Variants in LRRC37A observed in about 807,000 individuals in gnomAD.
The protein encoded by LRRC37A is leucine-rich repeat-containing protein 37A.
LRRC37A carries 3 observed loss-of-function variants against 35.4 expected under a neutral mutation model. That is an observed-to-expected ratio of 0.08 (90% confidence interval 0.04 to 0.22). LRRC37A has a LOEUF of 0.22. LRRC37A is among the 10% of genes least tolerant of loss of function. LRRC37A has a pLI of 1.00. For missense variants in LRRC37A, 67 were observed against 565.3 expected, an observed-to-expected ratio of 0.12 and a Z score of 8.94; for synonymous variants, 23 against 215.0, an observed-to-expected ratio of 0.11 and a Z score of 7.81.
At chr17:46,254,727 G>A in the LRRC37A span, among the ~76,000 whole-genome samples, 57,651 of 150,768 alleles carry the variant, frequency 0.38, 11,261 homozygotes, top group South Asian at 0.63. Context: ...TTTTAGTAGA[G>A]GCGGGGTTTC....
the LRRC37A span, among the ~76,000 whole-genome samples, chr17:46,276,049 C>T: frequency 1.3e-5 from 2 of 152,182 alleles, no homozygotes; most frequent in Non-Finnish European, 2.9e-5. Flanking sequence ...TGCCACCACA[C>T]CCGGCTAATT....
chr17:46,271,011 G>A, the LRRC37A span, among the ~76,000 whole-genome samples: 1 of 152,126 alleles, frequency 6.6e-6, no homozygotes, highest in African/African-American at 2.4e-5. Context: ...CTCACTCCAA[G>A]TATCTAGAAA....
At chr17:46,264,538 T>A in the LRRC37A span, among the ~76,000 whole-genome samples, 1 of 152,234 alleles carries the variant, frequency 6.6e-6, no homozygotes, top group Non-Finnish European at 1.5e-5. Flanking sequence ...TGTGGCTTGT[T>A]TATAGAAAGA....
the LRRC37A span, chr17:46,267,158 C>T: frequency 9.0e-6 from 5 of 555,922 alleles, no homozygotes; most frequent in Non-Finnish European, 9.3e-6. Context: ...AATCGGTGAG[C>T]CCGGCCGCCG....
chr17:46,257,720 G>T, the LRRC37A span, among the ~76,000 whole-genome samples: 79 of 151,238 alleles, frequency 5.2e-4, 2 homozygotes, highest in East Asian at 0.015. Flanking sequence ...TACTTGGGAG[G>T]CTGAGATGGG....
chr17:46,253,617 C>T, the LRRC37A span, among the ~76,000 whole-genome samples: 15 of 152,254 alleles, frequency 9.9e-5, no homozygotes, highest in Non-Finnish European at 1.3e-4. Context: ...GGCGTGGCGG[C>T]GCGTGCCTGC....
chr17:46,257,017 C>T, the LRRC37A span, among the ~76,000 whole-genome samples: 5 of 152,236 alleles, frequency 3.3e-5, no homozygotes, highest in Non-Finnish European at 7.3e-5. Flanking sequence ...AGAGCACTGG[C>T]AGAAGCTAGC....
At chr17:46,255,527 C>T in the LRRC37A span, among the ~76,000 whole-genome samples, 5 of 149,654 alleles carry the variant, frequency 3.3e-5, no homozygotes, top group East Asian at 2.1e-4. Flanking sequence ...CCACCACACC[C>T]GGCTAATTTT....
the LRRC37A span, among the ~76,000 whole-genome samples, chr17:46,252,869 G>T: frequency 8.6e-5 from 13 of 150,488 alleles, no homozygotes; most frequent in African/African-American, 2.7e-4. Context: ...ATCATGGCCC[G>T]TTCTCAATGA....
the LRRC37A span, among the ~76,000 whole-genome samples, chr17:46,269,614 CAA>C: frequency 1.3e-5 from 2 of 152,228 alleles, no homozygotes; most frequent in Admixed American, 1.3e-4. Context: ...TTACTTCAGG[CAA>C]AAGTGTTCCT....
the LRRC37A span, among the ~76,000 whole-genome samples, chr17:46,277,673 G>C: frequency 8.4e-6 from 1 of 119,094 alleles, no homozygotes; most frequent in African/African-American, 2.7e-5. Flanking sequence ...TTTTGAGACA[G>C]AGTCTTGCTG....
At chr17:46,277,883 C>T in the LRRC37A span, among the ~76,000 whole-genome samples, 7 of 151,906 alleles carry the variant, frequency 4.6e-5, no homozygotes, top group African/African-American at 1.2e-4. Flanking sequence ...CTGACCTAAC[C>T]GCCCACCTCA....
chr17:46,266,924 G>T, the LRRC37A span: 68 of 197,922 alleles, frequency 3.4e-4, 2 homozygotes, highest in Admixed American at 1.1e-3. Context: ...CTTCCCCGCC[G>T]CCCGGCCGCG....
At chr17:46,273,692 A>G in the LRRC37A span, among the ~76,000 whole-genome samples, 3 of 152,278 alleles carry the variant, frequency 2.0e-5, no homozygotes, top group Admixed American at 6.5e-5. Flanking sequence ...AGCTATTACC[A>G]CAATGCAGTA....
At chr17:46,317,140 T>C (rs1189258128) in intron 5 of LRRC37A, among the ~76,000 whole-genome samples, 3,408 of 66,984 alleles carry the variant, frequency 0.051, 21 homozygotes, top group Middle Eastern at 0.27. Context: ...ACCTCCCAGA[T>C]GGGGTGGCGG....
At chr17:46,274,783 CTTTT>C in the LRRC37A span, 18,434 of 146,414 alleles carry the variant, frequency 0.13, 2 homozygotes, top group Non-Finnish European at 0.19. Flanking sequence ...CTTTCTTTTT[CTTTT>C]TTTTTTTTAA....
At chr17:46,252,401 A>G in the LRRC37A span, among the ~76,000 whole-genome samples, 1 of 137,270 alleles carries the variant, frequency 7.3e-6, no homozygotes, top group African/African-American at 2.6e-5. Context: ...TTAATTGATC[A>G]TTCTTGGGTG....
At chr17:46,263,550 C>CAAAA in the LRRC37A span, among the ~76,000 whole-genome samples, 14,322 of 64,772 alleles carry the variant, frequency 0.22, 58 homozygotes, top group Non-Finnish European at 0.27. Context: ...GACTCTGTCT[C>CAAAA]AAAAAAAAAA....
intron 5 of LRRC37A, among the ~76,000 whole-genome samples, chr17:46,312,785 C>CA (rs1446267009): frequency 2.6e-4 from 13 of 50,132 alleles, no homozygotes; most frequent in African/African-American, 1.0e-3. Context: ...ATGTAGCACT[C>CA]ACATTCTTTC....
Sources: gnomAD v4.1 joint callset for allele counts (sites outside exome capture counted in the v4.1 genomes callset) on GRCh38, gnomAD v4.1.1 for gene constraint, MANE v1.5 for transcripts, NCBI Gene and HGNC (gene_info 2026-07-23, HGNC 2026-07-21) for gene names.